PARP10: variants seen among roughly 807,000 people sequenced by gnomAD.
PARP10 encodes poly(ADP-ribose) polymerase family member 10.
In PARP10, 56 loss-of-function variants were observed where a neutral mutation model predicts 82.4. The ratio of observed to expected loss-of-function variants is 0.68; its 90% CI spans 0.55 to 0.85. The LOEUF is 0.85. PARP10 is among the 40% of genes least tolerant of loss of function. The pLI, the probability that PARP10 is intolerant of heterozygous loss-of-function variation, is 0.00. For missense variants in PARP10, 1,227 were observed against 1,379.4 expected (o/e 0.89, Z 1.75); for synonymous variants, 576 against 601.1 (o/e 0.96, Z 0.61).
rs1233409341 is a variant in PARP10, at chr8:143,985,747, T to G, written c.410A>C (p.Gln137Pro). Residue 137 changes from glutamine to proline, a missense_variant, in exon 3 of 11, where the codon CAG becomes CCG. Physicochemically the swap from Gln to Pro is moderately conservative, Grantham distance 76. Transcript: ENST00000313028. Reference sequence around the variant, plus strand: ...TGCCTCAGAAAGGGGCTTGGGCAACTGGACCAGAGCCCGGTCTGGCCGGGG... The same window carrying G: ...TGCCTCAGAAAGGGGCTTGGGCAACGGGACCAGAGCCCGGTCTGGCCGGGG... ...ASPRPDRALV[Q>P]LPKPLSEADV... The G allele has an allele frequency of 3.1e-6, 5 of 1,608,390 alleles. No individual in the cohort carries two copies. Among genetic ancestry groups the G allele is most frequent in the Non-Finnish European group, 4.2e-6 (5 of 1,177,158 alleles).
rs1201864675 is a variant in PARP10, at chr8:143,977,847, G to A, written c.2732-17C>T. ...AGACCGTGGCTGCAGGGCGAGACGG[G>A]GCAAGGTCAGGGTGGTCGGGGTGCG... is the stretch of plus-strand genomic sequence containing the variant. On this transcript the variant is annotated splice_polypyrimidine_tract_variant and intron_variant, in intron 10 of 10. Coordinates refer to ENST00000313028, the MANE Select transcript of PARP10 (RefSeq NM_032789.5). 1 of 1,597,678 alleles carries A rather than the reference G, an allele frequency of 6.3e-7. No individual in the cohort carries two copies. The highest frequency in any genetic ancestry group is 1.1e-5 in the South Asian group (1 of 89,858).
rs782182811 is a variant in PARP10, at chr8:143,985,608, C to T, written c.477G>A (p.Leu159=). 1 of 1,613,968 alleles carries T rather than the reference C, an allele frequency of 6.2e-7. No homozygotes were observed. Among genetic ancestry groups the T allele is most frequent in the Non-Finnish European group, 8.5e-7 (1 of 1,180,000 alleles). Residue 159 remains leucine (L), a synonymous_variant, in exon 4 of 11, where the codon CTG becomes CTA. Coordinates refer to ENST00000313028, the MANE Select transcript of PARP10 (RefSeq NM_032789.5). ...VLEEQAQNLG[L]EGTLVSLARV... ...GGGCCAGGGACACCAAGGTCCCCTCCAGGCCCAGATTCTGGGCCTGCTCCT... is the reference window on the plus strand; with the variant it reads ...GGGCCAGGGACACCAAGGTCCCCTCTAGGCCCAGATTCTGGGCCTGCTCCT...
chr8:143,991,344 C>A, upstream of PARP10: 1 of 1,361,362 alleles, frequency 7.3e-7, no homozygotes, highest in Non-Finnish European at 1.0e-6. Flanking sequence ...CCCTGGGGCC[C>A]CTTACCCACA....
intron 1 of PARP10, among the ~76,000 whole-genome samples, chr8:144,002,916 CA>C (rs1347885785): frequency 6.6e-6 from 1 of 152,080 alleles, no homozygotes; most frequent in Non-Finnish European, 1.5e-5. Context: ...ATCTCAAAAA[CA>C]AATTAATTAA....
intron 1 of PARP10, chr8:144,012,483 C>T: frequency 6.5e-7 from 1 of 1,545,432 alleles, no homozygotes; most frequent in Non-Finnish European, 8.8e-7. Flanking sequence ...CAGTGCCCTC[C>T]CGTGGGCCGC....
chr8:144,004,525 T>C (rs1230952791), intron 1 of PARP10, among the ~76,000 whole-genome samples: 1 of 152,184 alleles, frequency 6.6e-6, no homozygotes, highest in African/African-American at 2.4e-5. Flanking sequence ...TACCTCACAC[T>C]GCCAACTCCA....
At chr8:144,007,181 C>G (rs934435853) in intron 1 of PARP10, among the ~76,000 whole-genome samples, 3 of 152,222 alleles carry the variant, frequency 2.0e-5, no homozygotes, top group African/African-American at 7.2e-5. Flanking sequence ...TGAGGGGTAC[C>G]TGGATGACCC....
intron 1 of PARP10, among the ~76,000 whole-genome samples, chr8:143,996,650 C>A (rs1834166965): frequency 6.6e-6 from 1 of 152,194 alleles, no homozygotes; most frequent in Non-Finnish European, 1.5e-5. Flanking sequence ...ACGGCATGAT[C>A]AGCATGAATG....
intron 1 of PARP10, among the ~76,000 whole-genome samples, chr8:144,005,786 T>C (rs1834232264): frequency 6.6e-6 from 1 of 152,032 alleles, no homozygotes; most frequent in African/African-American, 2.4e-5. Flanking sequence ...CCTGCTTTCT[T>C]TCAGGTCTGC....
chr8:143,995,374 G>A (rs1351929409), upstream of PARP10, among the ~76,000 whole-genome samples: 1 of 152,210 alleles, frequency 6.6e-6, no homozygotes, highest in African/African-American at 2.4e-5. Flanking sequence ...ATCGGGAGGT[G>A]CCAATTAAGC....
chr8:143,988,621 A>G (rs1367228840), upstream of PARP10, among the ~76,000 whole-genome samples: 2 of 151,342 alleles, frequency 1.3e-5, no homozygotes, highest in Non-Finnish European at 2.9e-5. Flanking sequence ...GCACACCACC[A>G]CGCCCAGCTA....
In PARP10 at chr8:143,977,920, G is replaced by A. The variant is rs1833741931; in HGVS notation, c.2718C>T (p.Phe906=). 6 of 1,601,596 alleles carry A rather than the reference G, an allele frequency of 3.7e-6. No homozygotes were observed. The highest frequency in any genetic ancestry group is 5.1e-6 in the Non-Finnish European group (6 of 1,179,374). The change falls in exon 10 of 11, where the codon TTC becomes TTT. Residue 906 remains phenylalanine, a synonymous_variant. Coordinates refer to ENST00000313028, the MANE Select transcript of PARP10 (RefSeq NM_032789.5). ...DICAHGFNRS[F]CGRNATVYGK... Reference sequence around the variant, plus strand: ...CTCAGGCCTCACCGTTGCGGCCGCAGAAGCTGCGGTTGAAGCCGTGGGCGC... The same window carrying A: ...CTCAGGCCTCACCGTTGCGGCCGCAAAAGCTGCGGTTGAAGCCGTGGGCGC...
At chr8:144,005,021 ATACAAACAT>A (rs1172168301) in intron 1 of PARP10, among the ~76,000 whole-genome samples, 1 of 152,118 alleles carries the variant, frequency 6.6e-6, no homozygotes, top group Non-Finnish European at 1.5e-5. Context: ...TCTTTTAAAA[ATACAAACAT>A]TAGCCAGGCG....
At position 143,977,418 on chromosome 8, in the gene PARP10, G is replaced by T; in HGVS notation, c.*66C>A. On this transcript the variant is annotated 3_prime_UTR_variant, in exon 11 of 11. Coordinates refer to ENST00000313028, the MANE Select transcript of PARP10 (RefSeq NM_032789.5). ...AGCTCAGGCGGCCACAGTTGGGGGCGGGGAGCATCAGCCTGTGCGGAGCTG... is the reference window on the plus strand; with the variant it reads ...AGCTCAGGCGGCCACAGTTGGGGGCTGGGAGCATCAGCCTGTGCGGAGCTG... 7.3e-7 allele frequency: 1 copy of T among 1,374,630 alleles called. No homozygotes were observed. Among genetic ancestry groups the T allele is most frequent in the South Asian group, 1.4e-5 (1 of 70,830 alleles). 85.2% of individuals were successfully genotyped at this position (1,374,630 alleles called of 1,614,324 possible).
upstream of PARP10, chr8:143,992,721 G>A (rs782341412): frequency 1.2e-6 from 2 of 1,613,814 alleles, no homozygotes; most frequent in East Asian, 4.5e-5. Context: ...AGCTGCTACT[G>A]GGGAACAAGC....
At position 143,984,023 on chromosome 8, in the gene PARP10, C is replaced by G. The variant is rs371975133; in HGVS notation, c.1762G>C (p.Glu588Gln). 3 of 1,519,732 alleles carry G rather than the reference C, an allele frequency of 2.0e-6. No individual in the cohort carries two copies. The highest frequency in any genetic ancestry group is 2.3e-5 in the East Asian group (1 of 44,024). The allele number at this position is 1,519,732 out of a possible 1,614,324, so 94.1% of individuals were successfully genotyped here. A position where few individuals can be genotyped will look rare whatever the true frequency, so the allele number is the denominator to read the frequency against. ...GGAGCCCTACCCAGGCTCACGTCCT[C>G]CTGGTCACCACCTGTACTGTCTGGG... ...WTPDSTGGDQEDVSLEEVREL... is the reference protein window; with the variant it reads ...WTPDSTGGDQQDVSLEEVREL... The change falls in exon 7 of 11, where the codon GAG becomes CAG. Residue 588 changes from glutamate (E) to glutamine (Q), a missense_variant. By Grantham distance (29) the Glu-to-Gln change is conservative. Coordinates refer to ENST00000313028, the MANE Select transcript of PARP10 (RefSeq NM_032789.5).
rs11984791 is a variant in PARP10, at chr8:143,983,746, G to A, written c.1843C>T (p.Arg615Trp). The A allele has an allele frequency of 6.1e-3, 9,818 of 1,612,202 alleles. 538 individuals carry two copies. The African/African-American group carries it at 0.11, about 19-fold the overall frequency. The change falls in exon 8 of 11, where the codon CGG becomes TGG. Residue 615 changes from arginine to tryptophan, a missense_variant. Coordinates refer to ENST00000313028, the MANE Select transcript of PARP10 (RefSeq NM_032789.5). ...LDLDGEDWLP[R>W]ELEEEGPQEQ... ...TGAGGCCCTTCCTCCTCCAGCTCCCGAGGCAGCCAGTCCTCCCCGTCTAGG... is the reference window on the plus strand; with the variant it reads ...TGAGGCCCTTCCTCCTCCAGCTCCCAAGGCAGCCAGTCCTCCCCGTCTAGG...
chr8:143,983,074 T>C lies in PARP10; in HGVS notation c.2423-9A>G. On this transcript the variant is annotated splice_polypyrimidine_tract_variant and intron_variant, in intron 8 of 10. Transcript: ENST00000313028. ...CAGCGTCTGCCCCGCCACTGATGCA[T>C]GGGGAAAAGCGGGGGGTCAGAGCCA... The C allele has an allele frequency of 1.2e-6, 2 of 1,613,874 alleles. No individual in the cohort carries two copies. Among genetic ancestry groups the C allele is most frequent in the Non-Finnish European group, 1.7e-6 (2 of 1,179,980 alleles).
chr8:143,992,411 G>T, upstream of PARP10: 1 of 1,612,766 alleles, frequency 6.2e-7, no homozygotes, highest in South Asian at 1.1e-5. Flanking sequence ...GGCCGCAGGG[G>T]CTGAGCAGCT....
Sources: gnomAD v4.1 joint callset for allele counts (sites outside exome capture counted in the v4.1 genomes callset) on GRCh38, gnomAD v4.1.1 for gene constraint, MANE v1.5 for transcripts, NCBI Gene and HGNC (gene_info 2026-07-23, HGNC 2026-07-21) for gene names.